WDFY3: variants seen among roughly 807,000 people sequenced by gnomAD.
The protein encoded by WDFY3 is WD repeat and FYVE domain containing 3.
A neutral mutation model predicts 409.6 loss-of-function variants in WDFY3; 66 were observed. That is an observed-to-expected ratio of 0.16 (90% CI 0.13 to 0.20). The LOEUF (loss-of-function observed/expected upper bound fraction) is 0.20. WDFY3 is among the 10% of genes least tolerant of loss of function. WDFY3 has a pLI of 1.00. For missense variants in WDFY3, 3,031 were observed against 4,298.1 expected (o/e 0.71, Z 8.24); for synonymous variants, 1,521 against 1,537.1 (o/e 0.99, Z 0.25).
intron 1 of WDFY3, among the ~76,000 whole-genome samples, chr4:84,954,402 T>C (rs1773986198): frequency 6.6e-6 from 1 of 152,172 alleles, no homozygotes; most frequent in African/African-American, 2.4e-5. Flanking sequence ...AATCACCTAA[T>C]ACTGTGTTTT....
chr4:84,737,494 C>A, intron 40 of WDFY3, 128 bp from the exon 41 acceptor site: 13 of 1,123,254 alleles, frequency 1.2e-5, no homozygotes, highest in Non-Finnish European at 1.5e-5. Context: ...GTAAAAAAAA[C>A]AAAGCTCATG....
intron 2 of WDFY3, among the ~76,000 whole-genome samples, chr4:84,909,507 G>C (rs1446969117): frequency 6.6e-6 from 1 of 152,030 alleles, no homozygotes; most frequent in African/African-American, 2.4e-5. Flanking sequence ...TCTGTTTGCT[G>C]TTGCAGTCTG....
intron 8 of WDFY3, among the ~76,000 whole-genome samples, chr4:84,829,810 A>AAAATACAT (rs1755413734): frequency 7.2e-6 from 1 of 138,694 alleles, no homozygotes; most frequent in South Asian, 2.3e-4. Flanking sequence ...AGACTGTCTC[A>AAAATACAT]AAATAAATAA....
intron 23 of WDFY3, 108 bp from the exon 24 acceptor site, chr4:84,786,247 G>A: frequency 9.0e-7 from 1 of 1,106,292 alleles, no homozygotes; most frequent in Non-Finnish European, 1.3e-6. Context: ...AAGTCTTAAA[G>A]TAGAATAAGA....
At chr4:84,789,674 C>T (rs1489794167) in intron 22 of WDFY3, 52 bp downstream of exon 22, 5 of 1,489,080 alleles carry the variant, frequency 3.4e-6, no homozygotes, top group African/African-American at 1.4e-5. Flanking sequence ...CACACACCCC[C>T]CAAACTACTA....
At chr4:84,761,510 T>G (rs1742591090) in intron 32 of WDFY3, among the ~76,000 whole-genome samples, 1 of 152,170 alleles carries the variant, frequency 6.6e-6, no homozygotes, top group South Asian at 2.1e-4. Context: ...TGCATATATA[T>G]TTAGGATAGT....
chr4:84,881,340 C>G (rs1763507194), intron 3 of WDFY3, among the ~76,000 whole-genome samples: 1 of 151,928 alleles, frequency 6.6e-6, no homozygotes, highest in African/African-American at 2.4e-5. Context: ...AAAAAACTAC[C>G]CTTGCTTCAC....
Position 84,788,256 on chromosome 4 carries a change from G to A in WDFY3, c.3670-543C>T, listed in dbSNP as rs114245610. ...GGGATGAAGGACACTTCCATTAACTGCTGTGTCATAATAACATCTCAGCTT... is the reference window on the plus strand; with the variant it reads ...GGGATGAAGGACACTTCCATTAACTACTGTGTCATAATAACATCTCAGCTT... On this transcript the variant is annotated intron_variant, in intron 22 of 67. Coordinates refer to ENST00000295888, the MANE Select transcript of WDFY3 (RefSeq NM_014991.6). 4.2e-3 allele frequency among the ~76,000 whole-genome samples: 641 copies of A among 152,200 alleles called. 2 individuals carry two copies. The highest frequency in any genetic ancestry group is 0.013 in the African/African-American group (556 of 41,534).
intron 3 of WDFY3, among the ~76,000 whole-genome samples, chr4:84,875,775 C>A (rs976632026): frequency 6.6e-6 from 1 of 152,144 alleles, no homozygotes; most frequent in African/African-American, 2.4e-5. Context: ...AAGGCTTGCA[C>A]AGGGCCAAGA....
chr4:84,836,338 T>C (rs567756663), intron 7 of WDFY3, among the ~76,000 whole-genome samples: 5 of 152,324 alleles, frequency 3.3e-5, no homozygotes, highest in African/African-American at 1.2e-4. Flanking sequence ...TTTGTTTGCT[T>C]GTTTTGACAA....
At position 84,670,508 on chromosome 4, in the gene WDFY3, T is replaced by A. The variant is rs548115773; in HGVS notation, c.*2360A>T. Reference sequence around the variant, plus strand: ...CCAGCTGCCAGAGGAAATACTACCATGAGGGTTTTGGTTTCCACCTTCTAG... The same window carrying A: ...CCAGCTGCCAGAGGAAATACTACCAAGAGGGTTTTGGTTTCCACCTTCTAG... On this transcript the variant is annotated 3_prime_UTR_variant, in exon 68 of 68. Transcript: ENST00000295888. 1 of 152,772 alleles carries A rather than the reference T, an allele frequency of 6.5e-6. No individual in the cohort carries two copies. 9.5% of individuals were successfully genotyped at this position (152,772 alleles called of 1,614,324 possible).
chr4:84,727,047 G>T (rs1414788043), intron 44 of WDFY3, 136 bp from the exon 45 acceptor site: 1 of 717,478 alleles, frequency 1.4e-6, no homozygotes, highest in Non-Finnish European at 2.2e-6. Flanking sequence ...GATAGCCTAA[G>T]CAGCTTAAAT....
chr4:84,696,587 G>A, intron 57 of WDFY3, 145 bp downstream of exon 57: 1 of 687,004 alleles, frequency 1.5e-6, no homozygotes, highest in Non-Finnish European at 2.4e-6. Flanking sequence ...ATCAACTGGG[G>A]TTCTTGGGAT....
chr4:84,764,928 G>C (rs1244067844), intron 32 of WDFY3, among the ~76,000 whole-genome samples: 1 of 151,514 alleles, frequency 6.6e-6, no homozygotes, highest in Admixed American at 6.6e-5. Flanking sequence ...AAGTAGTACA[G>C]GCAGCAGCTA....
rs913560857 is a variant in WDFY3, at chr4:84,922,608, A to AT, written c.-132+9661dup. Among the ~76,000 whole-genome samples, 294 of 146,148 alleles carry AT rather than the reference A, an allele frequency of 2.0e-3. 2 individuals are homozygous for AT. Among genetic ancestry groups the AT allele is most frequent in the African/African-American group, 2.1e-3 (85 of 40,060 alleles). On this transcript the variant is annotated intron_variant, in intron 2 of 67. Transcript: ENST00000295888. ...AATATGGCCAACAGTACAGGAAGAC[A>AT]TTTTTTTTTTTTAATCTTATTGCTT...
intron 24 of WDFY3, among the ~76,000 whole-genome samples, chr4:84,784,891 T>TACACACACACACAC (rs1215135327): frequency 2.7e-5 from 1 of 36,930 alleles, no homozygotes; most frequent in African/African-American, 7.6e-5. Flanking sequence ...TATATATATA[T>TACACACACACACAC]ACACACACAC....
rs1325979650 is a variant in WDFY3 at position 84,736,150 on chromosome 4, C to T, written c.6915+20G>A. ...TACAAAATACTACAACTAATATCAGCAATGAAACTAAAAAAGTACCTGGGT... is the reference window on the plus strand; with the variant it reads ...TACAAAATACTACAACTAATATCAGTAATGAAACTAAAAAAGTACCTGGGT... On this transcript the variant is annotated intron_variant, in intron 42 of 67. Coordinates refer to ENST00000295888, the MANE Select transcript of WDFY3 (RefSeq NM_014991.6). 2 of 1,599,880 alleles carry T rather than the reference C, an allele frequency of 1.3e-6. No homozygotes were observed.
chr4:84,868,399 A>G (rs369681136), intron 3 of WDFY3, among the ~76,000 whole-genome samples: 1 of 151,962 alleles, frequency 6.6e-6, no homozygotes, highest in African/African-American at 2.4e-5. Flanking sequence ...AAACAAACAA[A>G]AACAAGTTCT....
At position 84,715,952 on chromosome 4, in the gene WDFY3, A is replaced by T. The variant is rs1392245774; in HGVS notation, c.7876-569T>A. On this transcript the variant is annotated intron_variant, in intron 49 of 67. Coordinates refer to ENST00000295888, the MANE Select transcript of WDFY3 (RefSeq NM_014991.6). ...TAATTTTATAATTATAATTTTATAA[A>T]ATTATAGTAAGGATGTAATTTTTAT... Among the ~76,000 whole-genome samples, 6 of 151,648 alleles carry T rather than the reference A, an allele frequency of 4.0e-5. No individual in the cohort carries two copies. The East Asian group carries it at 1.2e-3, about 29-fold the overall frequency.
Sources: allele counts gnomAD v4.1 joint callset (sites outside exome capture counted in the v4.1 genomes callset), GRCh38; gene constraint gnomAD v4.1.1; transcripts MANE v1.5; gene names NCBI Gene and HGNC (gene_info 2026-07-23, HGNC 2026-07-21).